The following PTK2B variants were observed in gnomAD, a reference collection of about 807,000 sequenced individuals.
PTK2B encodes protein tyrosine kinase 2 beta.
A neutral mutation model predicts 142.9 loss-of-function variants in PTK2B; 71 were observed. The ratio of observed to expected loss-of-function variants is 0.50; its 90% CI spans 0.41 to 0.61. PTK2B has a LOEUF of 0.61. PTK2B is among the 20% of genes least tolerant of loss of function. The pLI, the probability that PTK2B is intolerant of heterozygous loss-of-function variation, is 0.00. For synonymous variants in PTK2B, 519 were observed against 503.4 expected (o/e 1.03, Z -0.42); for missense variants, 1,105 against 1,320.4 (o/e 0.84, Z 2.53).
chr8:27,432,965 T>C (rs1469515477), intron 10 of PTK2B, among the ~76,000 whole-genome samples: 1 of 152,196 alleles, frequency 6.6e-6, no homozygotes, highest in Non-Finnish European at 1.5e-5. Flanking sequence ...TAGCTGGGAC[T>C]ACAGGTGCAT....
chr8:27,408,849 A>G (rs1284773496), intron 2 of PTK2B, among the ~76,000 whole-genome samples: 1 of 152,246 alleles, frequency 6.6e-6, no homozygotes, highest in Admixed American at 6.5e-5. Flanking sequence ...CACCACAAAC[A>G]GAGTGATGTG....
At chr8:27,456,696 C>T (rs1054109878) in intron 30 of PTK2B, among the ~76,000 whole-genome samples, 1 of 152,142 alleles carries the variant, frequency 6.6e-6, no homozygotes, top group South Asian at 2.1e-4. Flanking sequence ...CCAAGACAGG[C>T]CAAAAGATAG....
At chr8:27,458,239 C>A in intron 30 of PTK2B, 55 bp from the exon 31 acceptor site, 2 of 1,547,702 alleles carry the variant, frequency 1.3e-6, no homozygotes, top group Non-Finnish European at 1.8e-6. Context: ...GCTTCCCTAT[C>A]CTCCAAGCAC....
intron 1 of PTK2B, among the ~76,000 whole-genome samples, chr8:27,393,775 A>G (rs1031571210): frequency 5.9e-5 from 9 of 151,746 alleles, no homozygotes; most frequent in Non-Finnish European, 1.3e-4. Flanking sequence ...CGCTTCCCCC[A>G]CTATCAACAT....
At position 27,406,955 on chromosome 8, in the gene PTK2B, G is replaced by GA. The variant is rs1249980236; in HGVS notation, c.204+9172dup. On this transcript the variant is annotated intron_variant, in intron 2 of 30. Transcript: ENST00000346049. ...TATTTTAGTAGGGGGACTTTGGGGG[G>GA]AAAAATCTGTGAAGGCCACCTGGTA... Among the ~76,000 whole-genome samples the GA allele has an allele frequency of 1.4e-4, 22 of 152,256 alleles. No individual in the cohort carries two copies. The East Asian group carries it at 2.9e-3, about 20-fold the overall frequency.
At chr8:27,348,972 A>G (rs183726659) in intron 1 of PTK2B, among the ~76,000 whole-genome samples, 174 of 152,062 alleles carry the variant, frequency 1.1e-3, no homozygotes, top group Non-Finnish European at 2.2e-3. Flanking sequence ...CCCAGTACCC[A>G]TGCCTCTGTC....
At chr8:27,410,414 C>G (rs547184628) in intron 2 of PTK2B, among the ~76,000 whole-genome samples, 1 of 152,320 alleles carries the variant, frequency 6.6e-6, no homozygotes, top group East Asian at 1.9e-4. Flanking sequence ...TGTGTGTTCA[C>G]CAGTCACTCA....
intron 18 of PTK2B, among the ~76,000 whole-genome samples, chr8:27,438,398 G>A (rs1025133165): frequency 2.0e-4 from 4 of 19,896 alleles, no homozygotes; most frequent in African/African-American, 1.6e-3. Flanking sequence ...ATGAGAACCT[G>A]ACCCCCAAGG....
chr8:27,361,948 G>A (rs1231231767), intron 1 of PTK2B, among the ~76,000 whole-genome samples: 3 of 152,102 alleles, frequency 2.0e-5, no homozygotes, highest in Admixed American at 6.5e-5. Flanking sequence ...GCCCTGCCCC[G>A]TGTGCCAGAC....
chr8:27,398,068 G>A (rs187868451), intron 2 of PTK2B, among the ~76,000 whole-genome samples: 6 of 152,348 alleles, frequency 3.9e-5, no homozygotes, highest in African/African-American at 1.2e-4. Context: ...AACTTATTAA[G>A]TATTTATGAT....
At chr8:27,386,243 A>C (rs1303161558) in intron 1 of PTK2B, among the ~76,000 whole-genome samples, 1 of 152,132 alleles carries the variant, frequency 6.6e-6, no homozygotes, top group African/African-American at 2.4e-5. Flanking sequence ...TTATTTCACT[A>C]CTATAAATAG....
In PTK2B at chr8:27,407,500, G is replaced by A. The variant is rs538316807; in HGVS notation, c.204+9712G>A. Among the ~76,000 whole-genome samples the A allele has an allele frequency of 2.2e-4, 34 of 152,314 alleles. 1 individual carries two copies. In the South Asian group the frequency reaches 4.8e-3, roughly 21 times the overall value. ...CTTGACTGCACTTCACCCACCTGCT[G>A]CTGGTGCTGGCTCCAGCTCACAAAG... On this transcript the variant is annotated intron_variant, in intron 2 of 30. Transcript: ENST00000346049.
At chr8:27,395,253 C>T (rs534369577) in intron 1 of PTK2B, among the ~76,000 whole-genome samples, 97 of 152,230 alleles carry the variant, frequency 6.4e-4, no homozygotes, top group Middle Eastern at 6.8e-3. Flanking sequence ...AGTGTCACCA[C>T]GAACACATGA....
chr8:27,334,977 C>A (rs578089100), intron 1 of PTK2B, among the ~76,000 whole-genome samples: 5 of 152,206 alleles, frequency 3.3e-5, no homozygotes, highest in Non-Finnish European at 7.3e-5. Flanking sequence ...TTCTCTCCTC[C>A]TCCTACTGTT....
chr8:27,436,295 A>G lies in PTK2B; in HGVS notation c.1288A>G (p.Ile430Val), dbSNP rs752804935. The G allele has an allele frequency of 1.9e-6, 3 of 1,614,050 alleles. No homozygotes were observed. The highest frequency in any genetic ancestry group is 2.5e-6 in the Non-Finnish European group (3 of 1,180,040). ...CCGTGAAGATGTGGTCCTGAATCGT[A>G]TTCTTGGGGAAGGCTTTTTTGGGGA... ...IAREDVVLNRILGEGFFGEVY... is the reference protein window; with the variant it reads ...IAREDVVLNRVLGEGFFGEVY... The change falls in exon 15 of 31, where the codon ATT (isoleucine) becomes GTT (valine). Residue 430 changes from isoleucine (I) to valine (V), a missense_variant. Ile to Val is a conservative substitution (Grantham distance 29). Coordinates refer to ENST00000346049, the MANE Select transcript of PTK2B (RefSeq NM_173176.3).
intron 1 of PTK2B, among the ~76,000 whole-genome samples, chr8:27,364,924 T>C (rs1461382767): frequency 1.3e-5 from 2 of 152,198 alleles, no homozygotes; most frequent in Non-Finnish European, 2.9e-5. Context: ...CAGGGTTTCT[T>C]CCTGCAAATC....
At chr8:27,402,402 G>T (rs1010137255) in intron 2 of PTK2B, among the ~76,000 whole-genome samples, 1 of 152,198 alleles carries the variant, frequency 6.6e-6, no homozygotes, top group Non-Finnish European at 1.5e-5. Context: ...TCTTCACATG[G>T]AAATGCTGAG....
At chr8:27,425,257 A>G (rs1403209928) in intron 5 of PTK2B, among the ~76,000 whole-genome samples, 1 of 151,762 alleles carries the variant, frequency 6.6e-6, no homozygotes, top group Non-Finnish European at 1.5e-5. Context: ...ATACTATTGT[A>G]TAGTATTATA....
chr8:27,430,263 T>A, intron 6 of PTK2B, 101 bp from the exon 7 acceptor site: 1 of 1,584,532 alleles, frequency 6.3e-7, no homozygotes, highest in Non-Finnish European at 8.7e-7. Flanking sequence ...CATAGGGCCG[T>A]CTCTAGGTCC....
Sources: gnomAD v4.1 joint callset for allele counts (sites outside exome capture counted in the v4.1 genomes callset) on GRCh38, gnomAD v4.1.1 for gene constraint, MANE v1.5 for transcripts, NCBI Gene and HGNC (gene_info 2026-07-23, HGNC 2026-07-21) for gene names.